The following TNFSF8 variants were observed in gnomAD, a reference collection of about 807,000 sequenced individuals.
TNFSF8 encodes the protein TNF superfamily member 8.
In TNFSF8, 4 loss-of-function variants were observed where a neutral mutation model predicts 22.0. That is an observed-to-expected ratio of 0.18 (90% CI 0.09 to 0.42). The LOEUF (loss-of-function observed/expected upper bound fraction) is 0.42. Ranked by LOEUF, TNFSF8 falls within the 10% of genes least tolerant of loss-of-function variation. The pLI is 1.00. For synonymous variants in TNFSF8, 106 were observed against 112.5 expected (o/e 0.94, Z 0.37); for missense variants, 233 against 281.8 (o/e 0.83, Z 1.24).
chr9:114,905,778 C>A, intron 3 of TNFSF8, 50 bp downstream of exon 3: 4 of 1,437,968 alleles, frequency 2.8e-6, no homozygotes, highest in Non-Finnish European at 3.9e-6. Context: ...TGCTGAAAAG[C>A]CACAGAAGCG....
intron 4 of TNFSF8, among the ~76,000 whole-genome samples, chr9:114,895,414 C>G (rs1424293224): frequency 2.0e-5 from 3 of 152,136 alleles, no homozygotes; most frequent in Admixed American, 2.0e-4. Flanking sequence ...TCCAGTTTTC[C>G]CTGCAGGATG....
chr9:114,907,032 ATT>A (rs1827793895), intron 2 of TNFSF8, among the ~76,000 whole-genome samples: 1 of 152,196 alleles, frequency 6.6e-6, no homozygotes, highest in Non-Finnish European at 1.5e-5. Context: ...TGCTCACTGC[ATT>A]GCCGAGTAGT....
chr9:114,894,281 T>C, intron 4 of TNFSF8: 1 of 821,986 alleles, frequency 1.2e-6, no homozygotes, highest in Non-Finnish European at 2.0e-6. Context: ...ACAATCATGC[T>C]GTCATAGTGA....
intron 4 of TNFSF8, among the ~76,000 whole-genome samples, chr9:114,895,086 G>C (rs1352681518): frequency 6.6e-6 from 1 of 152,214 alleles, no homozygotes; most frequent in African/African-American, 2.4e-5. Context: ...TACTTCAGCT[G>C]GTTTTTGTTT....
intron 1 of TNFSF8, among the ~76,000 whole-genome samples, chr9:114,929,846 T>A (rs1828112939): frequency 6.9e-6 from 1 of 145,142 alleles, no homozygotes; most frequent in African/African-American, 2.6e-5. Flanking sequence ...TTTAGAGAGT[T>A]AAGTTCCTCT....
intron 2 of TNFSF8, among the ~76,000 whole-genome samples, chr9:114,908,775 G>A (rs1157606541): frequency 2.0e-5 from 3 of 152,176 alleles, no homozygotes; most frequent in Non-Finnish European, 4.4e-5. Context: ...AGCCCTTTTA[G>A]GAATGATGTT....
At chr9:114,904,415 C>T in intron 3 of TNFSF8, 90 bp from the exon 4 acceptor site, 2 of 1,496,524 alleles carry the variant, frequency 1.3e-6, no homozygotes, top group Non-Finnish European at 1.8e-6. Context: ...GTTTCCCATT[C>T]AAGACCCATG....
chr9:114,897,581 A>C (rs946217370), downstream of TNFSF8, among the ~76,000 whole-genome samples: 1 of 152,192 alleles, frequency 6.6e-6, no homozygotes, highest in Non-Finnish European at 1.5e-5. Flanking sequence ...AGTCAGGAAG[A>C]CTTCTCTGAG....
chr9:114,900,241 C>T (rs1232332915), downstream of TNFSF8, among the ~76,000 whole-genome samples: 1 of 152,134 alleles, frequency 6.6e-6, no homozygotes, highest in African/African-American at 2.4e-5. Context: ...ACAAGGGAGC[C>T]TCCCACAATT....
downstream of TNFSF8, among the ~76,000 whole-genome samples, chr9:114,897,872 A>C (rs1329128806): frequency 6.6e-6 from 1 of 152,160 alleles, no homozygotes; most frequent in Non-Finnish European, 1.5e-5. Context: ...TAGTGACTGG[A>C]GCGTGGAATG....
chr9:114,923,560 C>T (rs566899969), intron 1 of TNFSF8, among the ~76,000 whole-genome samples: 7 of 132,684 alleles, frequency 5.3e-5, no homozygotes, highest in Non-Finnish European at 9.3e-5. Context: ...CTCTGTCACT[C>T]AGGCTGGAGT....
In TNFSF8 at chr9:114,901,552, G is replaced by A. The variant is rs1827717301; in HGVS notation, c.*2379C>T. On this transcript the variant is annotated 3_prime_UTR_variant, in exon 4 of 4. Coordinates refer to ENST00000223795, the MANE Select transcript of TNFSF8 (RefSeq NM_001244.4). ...AATTGCTTAGTTAACACACAGTTGG[G>A]TTGCATATACCTTTTCAAGAATGCA... 1 of 985,162 alleles carries A rather than the reference G, an allele frequency of 1.0e-6. No homozygotes were observed. Among genetic ancestry groups the A allele is most frequent in the Admixed American group, 6.1e-5 (1 of 16,266 alleles). 61.0% of individuals were successfully genotyped at this position (985,162 alleles called of 1,614,324 possible). A position where few individuals can be genotyped will look rare whatever the true frequency, so the allele number is the denominator to read the frequency against.
chr9:114,908,062 A>G (rs1258838664), intron 2 of TNFSF8, among the ~76,000 whole-genome samples: 2 of 152,158 alleles, frequency 1.3e-5, no homozygotes, highest in East Asian at 3.9e-4. Flanking sequence ...CTCTACCTGG[A>G]CTGCCTCCTT....
intron 2 of TNFSF8, among the ~76,000 whole-genome samples, chr9:114,907,333 T>C (rs914884447): frequency 1.3e-5 from 2 of 152,210 alleles, no homozygotes; most frequent in Non-Finnish European, 2.9e-5. Context: ...ATGCATCCTC[T>C]GATCAGTGCT....
At chr9:114,899,841 A>T (rs546453838), downstream of TNFSF8, among the ~76,000 whole-genome samples, 1 of 152,298 alleles carries the variant, frequency 6.6e-6, no homozygotes, top group African/African-American at 2.4e-5. Flanking sequence ...CTGATCACAG[A>T]GGTGTCTAAA....
At chr9:114,907,084 C>G (rs775484001) in intron 2 of TNFSF8, among the ~76,000 whole-genome samples, 36 of 152,198 alleles carry the variant, frequency 2.4e-4, no homozygotes, top group Admixed American at 1.4e-3. Context: ...CAGTCTCTGC[C>G]CAGCCCTGAG....
intron 1 of TNFSF8, among the ~76,000 whole-genome samples, chr9:114,923,691 T>A (rs1398004612): frequency 6.6e-6 from 1 of 152,078 alleles, no homozygotes; most frequent in Non-Finnish European, 1.5e-5. Flanking sequence ...CTAATTTTAG[T>A]ATTTTTTGTA....
At position 114,901,864 on chromosome 9, in the gene TNFSF8, T is replaced by G; in HGVS notation, c.*2067A>C. On this transcript the variant is annotated 3_prime_UTR_variant, in exon 4 of 4. Transcript: ENST00000223795. ...TCAGCAGATGACTTAAAATTTTCCC[T>G]TAGCCATTTTTGTTCTCTCAAGTCC... 1 of 950,076 alleles carries G rather than the reference T, an allele frequency of 1.1e-6. No homozygotes were observed. The highest frequency in any genetic ancestry group is 1.3e-6 in the Non-Finnish European group (1 of 797,864). 58.9% of individuals were successfully genotyped at this position (950,076 alleles called of 1,614,324 possible). A position where few individuals can be genotyped will look rare whatever the true frequency, so the allele number is the denominator to read the frequency against.
chr9:114,921,391 T>TC (rs910198015), intron 1 of TNFSF8, among the ~76,000 whole-genome samples: 16 of 152,208 alleles, frequency 1.1e-4, no homozygotes, highest in African/African-American at 3.9e-4. Flanking sequence ...ACCAAGGCAC[T>TC]CATGAGTCAG....
Sources: gnomAD v4.1 joint callset for allele counts (sites outside exome capture counted in the v4.1 genomes callset) on GRCh38, gnomAD v4.1.1 for gene constraint, MANE v1.5 for transcripts, NCBI Gene and HGNC (gene_info 2026-07-23, HGNC 2026-07-21) for gene names.